ZIM2: variants seen among roughly 807,000 people sequenced by gnomAD.
ZIM2 encodes zinc finger protein 656.
ZIM2 carries 14 observed loss-of-function variants against 38.6 expected under a neutral mutation model. The observed-to-expected ratio is 0.36, with a 90% CI of 0.24 to 0.57. The LOEUF is 0.57. ZIM2 is among the 20% of genes least tolerant of loss of function. The pLI, the probability that ZIM2 is intolerant of heterozygous loss-of-function variation, is 0.81. For missense variants in ZIM2, 680 were observed against 695.1 expected, an observed-to-expected ratio of 0.98 and a Z score of 0.24; for synonymous variants, 247 against 245.8, an observed-to-expected ratio of 1.00 and a Z score of -0.04.
intron 9 of ZIM2, among the ~76,000 whole-genome samples, chr19:56,808,182 G>A (rs2047849765): frequency 6.6e-6 from 1 of 152,138 alleles, no homozygotes; most frequent in African/African-American, 2.4e-5. Context: ...AGAAGGAATG[G>A]GGTCAGGATA....
At chr19:56,816,618 A>G in intron 9 of ZIM2, 5 of 1,613,890 alleles carry the variant, frequency 3.1e-6, no homozygotes, top group Non-Finnish European at 4.2e-6. Flanking sequence ...GGCTGGGCCT[A>G]AAGGTTTCCC....
intron 1 of ZIM2, among the ~76,000 whole-genome samples, chr19:56,840,203 G>T (rs527946455): frequency 6.6e-6 from 1 of 152,184 alleles, no homozygotes; most frequent in African/African-American, 2.4e-5. Flanking sequence ...GACTTGCCGT[G>T]GCAGAGCCCC....
chr19:56,799,975 A>G (rs2047431469), intron 9 of ZIM2, among the ~76,000 whole-genome samples: 1 of 152,242 alleles, frequency 6.6e-6, no homozygotes, highest in Admixed American at 6.5e-5. Flanking sequence ...CTAATTCTAC[A>G]ACAAGCAAAA....
rs773372889 is a variant in ZIM2 at position 56,814,998 on chromosome 19, A to C, written c.490+2748T>G. ...AATCTCTCTGATACTCGCTGATGGAATGGGTGTGAATTACAGAATGTGTGT... is the reference window on the plus strand; with the variant it reads ...AATCTCTCTGATACTCGCTGATGGACTGGGTGTGAATTACAGAATGTGTGT... On this transcript the variant is annotated intron_variant, in intron 9 of 12. Coordinates refer to ENST00000629319, the MANE Select transcript of ZIM2 (RefSeq NM_001387356.1). The surrounding 1 kb of genome is among the most constrained non-coding windows in gnomAD (Gnocchi z 5.8). 2 of 1,614,156 alleles carry C rather than the reference A, an allele frequency of 1.2e-6. No homozygotes were observed. Among genetic ancestry groups the C allele is most frequent in the East Asian group, 4.5e-5 (2 of 44,878 alleles).
Position 56,814,359 on chromosome 19 carries a change from ATCTTCTTCT to A in ZIM2, c.490+3378_490+3386del. ...CTGCTGCTGCAGCTGCTGCTGCTTC[ATCTTCTTCT>A]TCTTCTTCCAGATGAAGCTCCTTAT... On this transcript the variant is annotated intron_variant, in intron 9 of 12. Transcript: ENST00000629319. This position sits in a 1 kb window ranked among gnomAD's most constrained non-coding sequence, Gnocchi z 5.8. The A allele has an allele frequency of 1.2e-6, 2 of 1,613,174 alleles. No homozygotes were observed. The highest frequency in any genetic ancestry group is 1.7e-6 in the Non-Finnish European group (2 of 1,179,272).
intron 9 of ZIM2, chr19:56,815,034 G>A (rs1474619131): frequency 1.2e-6 from 2 of 1,614,088 alleles, no homozygotes; most frequent in Middle Eastern, 1.6e-4. Context: ...ACTCCCGACT[G>A]TCAACCAGGC....
intron 9 of ZIM2, chr19:56,798,542 A>G (rs1418699055): frequency 2.0e-5 from 3 of 152,240 alleles, no homozygotes; most frequent in Non-Finnish European, 4.4e-5. Context: ...CATTCAGGAC[A>G]TGGGCACAGG....
At chr19:56,808,610 G>C (rs78698472) in intron 9 of ZIM2, among the ~76,000 whole-genome samples, 2 of 152,142 alleles carry the variant, frequency 1.3e-5, no homozygotes, top group African/African-American at 4.8e-5. Flanking sequence ...TAGGGGAGGA[G>C]TGACTTAAAC....
chr19:56,796,061 T>A (rs956360213), intron 9 of ZIM2, among the ~76,000 whole-genome samples: 5 of 152,210 alleles, frequency 3.3e-5, no homozygotes, highest in Non-Finnish European at 7.3e-5. Context: ...GTAACCACTG[T>A]AACTGATCTG....
At chr19:56,811,492 G>T (rs996467880) in intron 9 of ZIM2, 2 of 982,942 alleles carry the variant, frequency 2.0e-6, no homozygotes, top group Non-Finnish European at 2.4e-6. Context: ...CCACAGATAG[G>T]TTTAAACAAT....
At chr19:56,789,645 A>G (rs897572497) in intron 10 of ZIM2, among the ~76,000 whole-genome samples, 1 of 152,220 alleles carries the variant, frequency 6.6e-6, no homozygotes, top group African/African-American at 2.4e-5. Flanking sequence ...AGAAAAGTAA[A>G]GCACGGAAGG....
intron 9 of ZIM2, chr19:56,793,284 T>C (rs1237476027): frequency 6.5e-6 from 1 of 152,682 alleles, no homozygotes; most frequent in Non-Finnish European, 1.5e-5. Flanking sequence ...TCTCTGTTTC[T>C]AGTTTCTTCT....
At chr19:56,835,518 G>A (rs1434186905) in intron 2 of ZIM2, among the ~76,000 whole-genome samples, 1 of 152,152 alleles carries the variant, frequency 6.6e-6, no homozygotes, top group East Asian at 1.9e-4. Context: ...TACCATCTCA[G>A]GGAGGCCCCT....
At chr19:56,796,113 T>C (rs2047213051) in intron 9 of ZIM2, among the ~76,000 whole-genome samples, 1 of 150,634 alleles carries the variant, frequency 6.6e-6, no homozygotes, top group Non-Finnish European at 1.5e-5. Flanking sequence ...AGAAGAAATG[T>C]ATATGTATAT....
intron 2 of ZIM2, among the ~76,000 whole-genome samples, chr19:56,830,466 T>G (rs539125092): frequency 6.6e-6 from 1 of 152,326 alleles, no homozygotes; most frequent in African/African-American, 2.4e-5. Flanking sequence ...TTATAAAGAC[T>G]TATCTCAAAT....
At chr19:56,811,344 T>G (rs1032573450) in intron 9 of ZIM2, 1 of 890,878 alleles carries the variant, frequency 1.1e-6, no homozygotes, top group Non-Finnish European at 1.3e-6. Context: ...ATGAACAGCA[T>G]ATAAATGAAC....
intron 7 of ZIM2, among the ~76,000 whole-genome samples, chr19:56,820,198 G>C (rs9973276): frequency 9.1e-4 from 139 of 152,282 alleles, no homozygotes; most frequent in Middle Eastern, 3.4e-3. Flanking sequence ...TGCTAGTATG[G>C]CTCAATGTAG....
intron 2 of ZIM2, among the ~76,000 whole-genome samples, chr19:56,834,035 G>C (rs1326264335): frequency 1.3e-5 from 2 of 152,148 alleles, no homozygotes; most frequent in Non-Finnish European, 2.9e-5. Context: ...ATATCTAAGA[G>C]TTCAGTCTTA....
At chr19:56,825,727 T>C (rs1763532764) in intron 3 of ZIM2, among the ~76,000 whole-genome samples, 1 of 152,212 alleles carries the variant, frequency 6.6e-6, no homozygotes, top group African/African-American at 2.4e-5. Flanking sequence ...AACTACCTAC[T>C]GGCTTTACTT....
Sources: gnomAD v4.1 joint callset for allele counts (sites outside exome capture counted in the v4.1 genomes callset) on GRCh38, gnomAD v4.1.1 for gene constraint, Gnocchi (gnomAD v3.1) non-coding constraint, MANE v1.5 for transcripts, NCBI Gene and HGNC (gene_info 2026-07-23, HGNC 2026-07-21) for gene names.